The following UBE2O variants were observed in gnomAD, a reference collection of about 807,000 sequenced individuals.
UBE2O encodes the protein ubiquitin conjugating enzyme E2 O, also known as (E3-independent) E2 ubiquitin-conjugating enzyme.
A neutral mutation model predicts 125.8 loss-of-function variants in UBE2O; 15 were observed. That is an observed-to-expected ratio of 0.12 (90% CI 0.08 to 0.18). UBE2O has a LOEUF of 0.18. Ranked by LOEUF, UBE2O falls within the 10% of genes least tolerant of loss-of-function variation. UBE2O has a pLI of 1.00. For synonymous variants in UBE2O, 708 were observed against 703.2 expected, an observed-to-expected ratio of 1.01 and a Z score of -0.11; for missense variants, 1,280 against 1,723.6, an observed-to-expected ratio of 0.74 and a Z score of 4.56.
chr17:76,425,874 C>G (rs769686069), intron 1 of UBE2O, among the ~76,000 whole-genome samples: 3 of 152,220 alleles, frequency 2.0e-5, no homozygotes, highest in Non-Finnish European at 2.9e-5. Flanking sequence ...CTCTCTAACT[C>G]AGACTTTCCT....
chr17:76,420,747 C>T (rs1038372688), intron 1 of UBE2O, among the ~76,000 whole-genome samples: 4 of 152,178 alleles, frequency 2.6e-5, no homozygotes, highest in Non-Finnish European at 5.9e-5. Flanking sequence ...CGAGTGCAAG[C>T]TGGGGTCTTG....
In UBE2O at chr17:76,402,250, C is replaced by A; in HGVS notation, c.687-123G>T. 1 of 872,120 alleles carries A rather than the reference C, an allele frequency of 1.1e-6. No individual in the cohort carries two copies. Among genetic ancestry groups the A allele is most frequent in the Non-Finnish European group, 1.8e-6 (1 of 557,088 alleles). The allele number at this position is 872,120 out of a possible 1,614,324, so 54.0% of individuals were successfully genotyped here. On this transcript the variant is annotated intron_variant, in intron 4 of 17. Transcript: ENST00000319380. This position sits in a 1 kb window ranked among gnomAD's most constrained non-coding sequence, Gnocchi z 5.4. The stretch of plus-strand genomic sequence containing the variant: ...AGCACAATTCGTCTTCTACCATCAA[C>A]TCAGCCCGAGGTAGTACAAGAAACT...
intron 15 of UBE2O, among the ~76,000 whole-genome samples, chr17:76,393,135 A>T (rs2072144044): frequency 6.6e-6 from 1 of 150,974 alleles, no homozygotes; most frequent in Admixed American, 6.6e-5. Flanking sequence ...GTGCATACCT[A>T]CAGTCCCAGC....
intron 1 of UBE2O, among the ~76,000 whole-genome samples, chr17:76,441,650 G>C (rs527281433): frequency 4.6e-5 from 7 of 152,240 alleles, no homozygotes; most frequent in Non-Finnish European, 7.3e-5. Context: ...GAGTTTGTTA[G>C]ACACGCAGAT....
chr17:76,448,921 T>C (rs898220306), intron 1 of UBE2O, among the ~76,000 whole-genome samples: 13 of 152,386 alleles, frequency 8.5e-5, no homozygotes, highest in African/African-American at 3.1e-4. Context: ...CAGTTTCAAG[T>C]GGCTACCTCG....
chr17:76,418,969 A>G (rs906230910), intron 1 of UBE2O, among the ~76,000 whole-genome samples: 23 of 152,134 alleles, frequency 1.5e-4, no homozygotes, highest in Admixed American at 2.0e-4. Flanking sequence ...AATGTTCCCT[A>G]GGTGAATCTG....
At chr17:76,443,276 T>C (rs905650042) in intron 1 of UBE2O, among the ~76,000 whole-genome samples, 1 of 151,810 alleles carries the variant, frequency 6.6e-6, no homozygotes, top group Admixed American at 6.6e-5. Context: ...ACAAAAAAAG[T>C]TGGGGAATAT....
rs2072216635 is a variant in UBE2O, at chr17:76,396,740, C to T, written c.2197G>A (p.Glu733Lys). 2.5e-6 allele frequency: 4 copies of T among 1,613,930 alleles called. No homozygotes were observed. The highest frequency in any genetic ancestry group is 1.3e-5 in the African/African-American group (1 of 74,932). Residue 733 changes from glutamate (E) to lysine (K), a missense_variant, in exon 14 of 18, where the codon GAA becomes AAA. Around this residue, in one of 10 missense-constraint regions of UBE2O, gnomAD observed 210 missense variants for 268.9 expected, o/e 0.78. Transcript: ENST00000319380. This position sits in a 1 kb window ranked among gnomAD's most constrained non-coding sequence, Gnocchi z 6.7. ...EGSTSGASSDEWEDDSDSWET... is the reference protein window; with the variant it reads ...EGSTSGASSDKWEDDSDSWET... The stretch of plus-strand genomic sequence containing the variant: ...CAGCTGTCACTATCATCTTCCCATT[C>T]ATCCGAGGATGCCCCGCTGGTGCTG...
chr17:76,439,423 ACAAGAC>A (rs1278413518), intron 1 of UBE2O, among the ~76,000 whole-genome samples: 1 of 152,146 alleles, frequency 6.6e-6, no homozygotes, highest in Non-Finnish European at 1.5e-5. Flanking sequence ...ATTTTCTATA[ACAAGAC>A]CAAGACGTTA....
chr17:76,406,688 A>AGTT (rs1302229534), intron 1 of UBE2O, among the ~76,000 whole-genome samples: 4 of 135,374 alleles, frequency 3.0e-5, no homozygotes, highest in African/African-American at 8.9e-5. Flanking sequence ...CATGAGCCCA[A>AGTT]GTTGTTTTTT....
rs2143647836 is a variant in UBE2O, at chr17:76,389,550, T to G, written c.*1393A>C. The G allele has an allele frequency of 6.7e-6, 1 of 150,188 alleles. No homozygotes were observed. Among genetic ancestry groups the G allele is most frequent in the East Asian group, 1.9e-4 (1 of 5,140 alleles). 9.3% of individuals were successfully genotyped at this position (150,188 alleles called of 1,614,324 possible). On this transcript the variant is annotated 3_prime_UTR_variant, in exon 18 of 18. Transcript: ENST00000319380. ...AAAAAAATGCAAGTAAAAAAAAGTT[T>G]AATCACACAGCACTTTATACAGATA...
At chr17:76,434,020 T>G (rs1298452144) in intron 1 of UBE2O, among the ~76,000 whole-genome samples, 2 of 152,168 alleles carry the variant, frequency 1.3e-5, no homozygotes, top group African/African-American at 4.8e-5. Context: ...AAACGAGCCC[T>G]CCTAACATCT....
chr17:76,442,476 A>G (rs1330820311), intron 1 of UBE2O, among the ~76,000 whole-genome samples: 1 of 152,170 alleles, frequency 6.6e-6, no homozygotes, highest in African/African-American at 2.4e-5. Flanking sequence ...AGTGGGAGGG[A>G]GCAAACTGGT....
intron 1 of UBE2O, among the ~76,000 whole-genome samples, chr17:76,450,747 G>A (rs896766287): frequency 2.6e-5 from 4 of 151,912 alleles, no homozygotes; most frequent in African/African-American, 9.7e-5. Context: ...TCAGCCTCCC[G>A]AGTAGCTCAG....
In UBE2O at chr17:76,410,628, G is replaced by C. The variant is rs1038098216; in HGVS notation, c.418-5056C>G. Among the ~76,000 whole-genome samples the C allele has an allele frequency of 6.6e-6, 1 of 152,174 alleles. No individual in the cohort carries two copies. The highest frequency in any genetic ancestry group is 1.5e-5 in the Non-Finnish European group (1 of 68,026). On this transcript the variant is annotated intron_variant, in intron 1 of 17. Coordinates refer to ENST00000319380, the MANE Select transcript of UBE2O (RefSeq NM_022066.4). This position sits in a 1 kb window ranked among gnomAD's most constrained non-coding sequence, Gnocchi z 4.0. Reference sequence around the variant, plus strand: ...AGTGAGGGGTCAGGGACAATGCCAGGGCAGAGGGCAACGTGGCAGGAGGCT... The same window carrying C: ...AGTGAGGGGTCAGGGACAATGCCAGCGCAGAGGGCAACGTGGCAGGAGGCT...
Position 76,452,857 on chromosome 17 carries a change from G to T in UBE2O, c.285C>A (p.Gly95=). The change falls in exon 1 of 18, where the codon GGC becomes GGA. Residue 95 remains glycine (G), a synonymous_variant. Coordinates refer to ENST00000319380, the MANE Select transcript of UBE2O (RefSeq NM_022066.4). This position sits in a 1 kb window ranked among gnomAD's most constrained non-coding sequence, Gnocchi z 4.4. The stretch of plus-strand genomic sequence containing the variant: ...CCTCGGAGCACCCCGAGCTCCCGCG[G>T]CCCTCCTCCTCGCCCTCCGAGTCCG... ...EDSDSEGEEE[G]RGSSGCSEAG... 2 of 1,504,256 alleles carry T rather than the reference G, an allele frequency of 1.3e-6. No homozygotes were observed. The highest frequency in any genetic ancestry group is 1.8e-6 in the Non-Finnish European group (2 of 1,126,574). 93.2% of individuals were successfully genotyped at this position (1,504,256 alleles called of 1,614,324 possible). A position where few individuals can be genotyped will look rare whatever the true frequency, so the allele number is the denominator to read the frequency against.
chr17:76,401,996 C>T, intron 5 of UBE2O, 68 bp downstream of exon 5: 1 of 1,532,246 alleles, frequency 6.5e-7, no homozygotes, highest in Non-Finnish European at 8.9e-7. Context: ...CAGGTCTTTG[C>T]TACGAAGTCC....
intron 1 of UBE2O, among the ~76,000 whole-genome samples, chr17:76,406,073 T>C (rs971791515): frequency 2.6e-4 from 40 of 152,250 alleles, no homozygotes; most frequent in African/African-American, 8.2e-4. Flanking sequence ...CCGGACACCA[T>C]GTTCTAATCT....
chr17:76,409,428 G>A (rs1245158799), intron 1 of UBE2O, among the ~76,000 whole-genome samples: 1 of 148,786 alleles, frequency 6.7e-6, no homozygotes, highest in Non-Finnish European at 1.5e-5. Context: ...ACAGAGTCTC[G>A]CTTTGTCGCC....
Sources: allele counts gnomAD v4.1 joint callset (sites outside exome capture counted in the v4.1 genomes callset), GRCh38; gene constraint gnomAD v4.1.1; regional missense constraint gnomAD v4.1.1; non-coding constraint Gnocchi (gnomAD v3.1); transcripts MANE v1.5; gene names NCBI Gene and HGNC (gene_info 2026-07-23, HGNC 2026-07-21).